Variants in SLC5A6 observed in about 807,000 individuals in gnomAD.
The protein encoded by SLC5A6 is sodium-dependent multivitamin transporter.
Under a neutral mutation model 67.9 loss-of-function variants are expected in SLC5A6, and 31 were observed. The ratio of observed to expected loss-of-function variants is 0.46; its 90% CI spans 0.34 to 0.62. The LOEUF (loss-of-function observed/expected upper bound fraction) is 0.62, where lower values mean the gene tolerates loss of function less well. Among genes scored for constraint, SLC5A6 ranks in the 20% least tolerant of loss-of-function variants. The pLI is 0.01. For synonymous variants in SLC5A6, 343 were observed against 331.0 expected, an observed-to-expected ratio of 1.04 and a Z score of -0.39; for missense variants, 673 against 812.8, an observed-to-expected ratio of 0.83 and a Z score of 2.09.
intron 10 of SLC5A6, 81 bp from the exon 11 acceptor site, chr2:27,203,426 T>G: frequency 8.0e-7 from 1 of 1,245,760 alleles, no homozygotes; most frequent in East Asian, 2.4e-5. Context: ...AATGGTGTCC[T>G]AAAGCGGGGA....
At position 27,202,873 on chromosome 2, in the gene SLC5A6, G is replaced by A; in HGVS notation, c.1215C>T (p.Gly405=). The change falls in exon 12 of 17, where the codon GGC becomes GGT. Residue 405 remains glycine (G), a synonymous_variant. Transcript: ENST00000310574. ...AIMLSRGLAF[G]YGLLCLGMAY... Reference sequence around the variant, plus strand: ...CCATTCCTAGACAAAGCAGCCCATAGCCAAAGGCTGGGGGAAAAGGACAGG... The same window carrying A: ...CCATTCCTAGACAAAGCAGCCCATAACCAAAGGCTGGGGGAAAAGGACAGG... 6.2e-7 allele frequency: 1 copy of A among 1,614,012 alleles called. No individual in the cohort carries two copies. The highest frequency in any genetic ancestry group is 8.5e-7 in the Non-Finnish European group (1 of 1,179,978).
At chr2:27,209,428 A>G (rs1452885758) in intron 2 of SLC5A6, among the ~76,000 whole-genome samples, 1 of 152,216 alleles carries the variant, frequency 6.6e-6, no homozygotes, top group African/African-American at 2.4e-5. Context: ...ACATTTTCAA[A>G]ACAGCATGTC....
At chr2:27,210,430 C>A (rs554857576) in intron 2 of SLC5A6, among the ~76,000 whole-genome samples, 15 of 144,358 alleles carry the variant, frequency 1.0e-4, no homozygotes, top group African/African-American at 3.2e-4. Flanking sequence ...ATTGTGGGAC[C>A]CCCCCCCCTT....
chr2:27,212,743 C>T (rs1455777975), upstream of SLC5A6: 4 of 996,326 alleles, frequency 4.0e-6, no homozygotes, highest in Non-Finnish European at 5.4e-6. Flanking sequence ...GGTCCTCTGC[C>T]TCTTGTGTAA....
Position 27,203,820 on chromosome 2 carries a change from C to T in SLC5A6, c.1053G>A (p.Leu351=). The T allele has an allele frequency of 6.2e-7, 1 of 1,614,042 alleles. No homozygotes were observed. Among genetic ancestry groups the T allele is most frequent in the Non-Finnish European group, 8.5e-7 (1 of 1,179,924 alleles). ...VMDLLKGLPG[L]PGLFIACLFS... is the part of the protein sequence containing the mutation. The stretch of plus-strand genomic sequence containing the variant: ...AGAGGCAGGCAATGAAGAGCCCTGG[C>T]AGGCCTGGCAGGCCCTTCAGGAGAT... The change falls in exon 10 of 17, where the codon CTG becomes CTA. Residue 351 remains leucine, a synonymous_variant. Coordinates refer to ENST00000310574, the MANE Select transcript of SLC5A6 (RefSeq NM_021095.4).
At chr2:27,204,743 C>T (rs746143060) in intron 8 of SLC5A6, 48 bp downstream of exon 8, 1 of 1,609,142 alleles carries the variant, frequency 6.2e-7, no homozygotes, top group African/African-American at 1.3e-5. Context: ...CTCTGGGGAA[C>T]CCCTTCCCCT....
intron 7 of SLC5A6, 98 bp from the exon 8 acceptor site, chr2:27,205,029 C>T (rs1037925703): frequency 2.1e-6 from 3 of 1,447,066 alleles, no homozygotes; most frequent in Admixed American, 1.7e-5. Flanking sequence ...AGGAGAGACA[C>T]CACTGCTAGG....
At chr2:27,211,841 C>T in intron 1 of SLC5A6, 179 bp downstream of exon 1, 1 of 222,740 alleles carries the variant, frequency 4.5e-6, no homozygotes, top group Non-Finnish European at 8.6e-6. Flanking sequence ...TGTCCCCGCC[C>T]CGGCTCAGAC....
In SLC5A6 at chr2:27,205,366, G is replaced by A. The variant is rs894072627; in HGVS notation, c.718C>T (p.Arg240Cys). 2.5e-5 allele frequency: 40 copies of A among 1,613,900 alleles called. No individual in the cohort carries two copies. The highest frequency in any genetic ancestry group is 3.2e-5 in the Non-Finnish European group (38 of 1,180,002). Residue 240 changes from arginine (R) to cysteine (C), a missense_variant, in exon 7 of 17, where the codon CGC (arginine) becomes TGC (cysteine). Physicochemically the swap from Arg to Cys is radical, Grantham distance 180 (BLOSUM62 -3). Transcript: ENST00000310574. ...RVWAVASQHGRISGFELDPDP... is the reference protein window; with the variant it reads ...RVWAVASQHGCISGFELDPDP... ...TATACTTACTCAAACCCAGAGATGC[G>A]GCCGTGCTGGGAAGCCACGGCCCAC...
At position 27,200,430 on chromosome 2, in the gene SLC5A6, T is replaced by C; in HGVS notation, c.*6A>G. ...GTGAGGACAGAGGCGGGGTCCTGAG[T>C]CAACATCACAGGGAGGTCTCCTGGA... On this transcript the variant is annotated 3_prime_UTR_variant, in exon 17 of 17. Transcript: ENST00000310574. 1.9e-6 allele frequency: 3 copies of C among 1,606,220 alleles called. No homozygotes were observed. Among genetic ancestry groups the C allele is most frequent in the South Asian group, 2.2e-5 (2 of 89,868 alleles).
chr2:27,201,171 A>G, intron 15 of SLC5A6, 58 bp from the exon 16 acceptor site: 2 of 1,354,416 alleles, frequency 1.5e-6, no homozygotes, highest in African/African-American at 2.9e-5. Context: ...AGCGGGCCCC[A>G]TGTCCTCCCT....
chr2:27,201,624 G>C, intron 14 of SLC5A6, 42 bp downstream of exon 14: 1 of 1,583,872 alleles, frequency 6.3e-7, no homozygotes, highest in Non-Finnish European at 8.7e-7. Flanking sequence ...GCCCTCAAAG[G>C]AGGGCTTTGA....
chr2:27,200,485 G>A lies in SLC5A6; in HGVS notation c.1859C>T (p.Ala620Val), dbSNP rs1019907498. Reference sequence around the variant, plus strand: ...GCAGGTGGAGCTGCTCCCCTGATAGGCTGTGCCATCCAGGGCCATGGCCTC... The same window carrying A: ...GCAGGTGGAGCTGCTCCCCTGATAGACTGTGCCATCCAGGGCCATGGCCTC... ...DKEAMALDGT[A>V]YQGSSSTCIL... The change falls in exon 17 of 17, where the codon GCC becomes GTC. Residue 620 changes from alanine to valine, a missense_variant. Physicochemically the swap from Ala to Val is moderately conservative, Grantham distance 64 (BLOSUM62 0). Transcript: ENST00000310574. 1 of 1,613,920 alleles carries A rather than the reference G, an allele frequency of 6.2e-7. No individual in the cohort carries two copies. Among genetic ancestry groups the A allele is most frequent in the Admixed American group, 1.7e-5 (1 of 59,984 alleles).
chr2:27,208,991 A>C (rs1249577212), intron 2 of SLC5A6, among the ~76,000 whole-genome samples: 1 of 152,236 alleles, frequency 6.6e-6, no homozygotes. Flanking sequence ...AGAAATGTTA[A>C]TCCCCCAAGA....
rs1673535714 is a variant in SLC5A6 at position 27,200,488 on chromosome 2, G to A, written c.1856C>T (p.Thr619Ile). Residue 619 changes from threonine (T) to isoleucine (I), a missense_variant, in exon 17 of 17, where the codon ACA (threonine) becomes ATA (isoleucine). Physicochemically the swap from Thr to Ile is moderately conservative, Grantham distance 89. Coordinates refer to ENST00000310574, the MANE Select transcript of SLC5A6 (RefSeq NM_021095.4). ...GGTGGAGCTGCTCCCCTGATAGGCT[G>A]TGCCATCCAGGGCCATGGCCTCCTT... ...RDKEAMALDG[T>I]AYQGSSSTCI... is the part of the protein sequence containing the mutation. The A allele has an allele frequency of 6.2e-7, 1 of 1,613,842 alleles. No homozygotes were observed. Among genetic ancestry groups the A allele is most frequent in the African/African-American group, 1.3e-5 (1 of 74,908 alleles).
At chr2:27,212,655 C>G, upstream of SLC5A6, 1 of 1,394,162 alleles carries the variant, frequency 7.2e-7, no homozygotes, top group African/African-American at 1.5e-5. Flanking sequence ...GCGCCCCAGT[C>G]CTGCCGACTT....
intron 12 of SLC5A6, among the ~76,000 whole-genome samples, chr2:27,202,353 T>C (rs1163290443): frequency 6.6e-6 from 1 of 151,798 alleles, no homozygotes; most frequent in African/African-American, 2.4e-5. Flanking sequence ...AATACAAAAA[T>C]TAGCCAGACA....
intron 2 of SLC5A6, among the ~76,000 whole-genome samples, chr2:27,209,679 A>G (rs1275530): frequency 0.56 from 84,996 of 152,128 alleles, 27,672 homozygotes; most frequent in East Asian, 0.86. Flanking sequence ...GAGACAGACT[A>G]ACATAAACTA....
At chr2:27,202,273 G>A (rs943900104) in intron 12 of SLC5A6, among the ~76,000 whole-genome samples, 199 bp from the exon 13 acceptor site, 2 of 151,960 alleles carry the variant, frequency 1.3e-5, no homozygotes, top group African/African-American at 2.4e-5. Flanking sequence ...AGGCCGAGGC[G>A]GGAGGATCAC....
Sources: allele counts gnomAD v4.1 joint callset (sites outside exome capture counted in the v4.1 genomes callset), GRCh38; gene constraint gnomAD v4.1.1; transcripts MANE v1.5; gene names NCBI Gene and HGNC (gene_info 2026-07-23, HGNC 2026-07-21).